Variants in CEP83 observed in about 807,000 individuals in gnomAD.
CEP83 encodes the protein centrosomal protein 83, also known as centrosomal protein of 83 kDa.
CEP83 carries 70 observed loss-of-function variants against 101.9 expected under a neutral mutation model. That is an observed-to-expected ratio of 0.69 (90% CI 0.57 to 0.84). The LOEUF (loss-of-function observed/expected upper bound fraction) is 0.84, where lower values mean the gene tolerates loss of function less well. Ranked by LOEUF, CEP83 falls within the 40% of genes least tolerant of loss-of-function variation. The pLI is 0.00. For missense variants in CEP83, 715 were observed against 787.2 expected (o/e 0.91, Z 1.10); for synonymous variants, 264 against 267.9 (o/e 0.99, Z 0.14).
At chr12:94,411,986 TAC>T in intron 3 of CEP83, 139 bp from the exon 4 acceptor site, 1 of 734,544 alleles carries the variant, frequency 1.4e-6, no homozygotes, top group Non-Finnish European at 2.2e-6. Context: ...ATCTTTTATT[TAC>T]AGAGTTTCAT....
chr12:94,277,816 C>A, the CEP83 span: 7 of 387,592 alleles, frequency 1.8e-5, no homozygotes, highest in Admixed American at 2.9e-5. Context: ...AGCCTGGCCC[C>A]GTGCTAAGCC....
At chr12:94,338,198 C>T (rs569922982) in intron 11 of CEP83, among the ~76,000 whole-genome samples, 1 of 152,170 alleles carries the variant, frequency 6.6e-6, no homozygotes, top group Non-Finnish European at 1.5e-5. Context: ...ATAGAATAAA[C>T]TGTAAGGCTA....
At chr12:94,279,776 G>T in the CEP83 span, 2 of 852,644 alleles carry the variant, frequency 2.3e-6, no homozygotes, top group Non-Finnish European at 3.9e-6. Flanking sequence ...CAGCCAGGTT[G>T]TTCCTGGAGG....
At chr12:94,431,259 G>A (rs1299987473) in intron 2 of CEP83, among the ~76,000 whole-genome samples, 1 of 152,018 alleles carries the variant, frequency 6.6e-6, no homozygotes, top group East Asian at 1.9e-4. Flanking sequence ...AAATTAAATT[G>A]GATCCCTACC....
rs1346433130 is a variant in CEP83, at chr12:94,369,937, G to C, written c.1033C>G (p.Gln345Glu). 2 of 1,577,336 alleles carry C rather than the reference G, an allele frequency of 1.3e-6. No homozygotes were observed. Among genetic ancestry groups the C allele is most frequent in the Admixed American group, 1.7e-5 (1 of 59,526 alleles). Residue 345 changes from glutamine (Q) to glutamate (E), a missense_variant, in exon 9 of 17, where the codon CAA becomes GAA. Physicochemically the swap from Gln to Glu is conservative, Grantham distance 29. Transcript: ENST00000397809. ...CACATATTACCATCCAGTTCACTTT[G>C]AATCTTATTCCTTTCTCTTTCTAGC... ...SELERERNKI[Q>E]SELDGLQSDN... is the part of the protein sequence containing the mutation.
chr12:94,359,330 A>G (rs972020303), intron 11 of CEP83, among the ~76,000 whole-genome samples: 4 of 152,208 alleles, frequency 2.6e-5, no homozygotes, highest in African/African-American at 9.7e-5. Context: ...AAAAAACTAT[A>G]AAATATCAAC....
At chr12:94,382,462 T>C (rs2061903531) in intron 6 of CEP83, among the ~76,000 whole-genome samples, 1 of 151,790 alleles carries the variant, frequency 6.6e-6, no homozygotes, top group Non-Finnish European at 1.5e-5. Context: ...TTCTAATGCA[T>C]GTATTTAGTG....
intron 11 of CEP83, among the ~76,000 whole-genome samples, chr12:94,342,526 A>T (rs2059727187): frequency 2.0e-5 from 3 of 152,174 alleles, no homozygotes; most frequent in Admixed American, 2.0e-4. Flanking sequence ...CCAGCAAGTG[A>T]TCTCTCCCAT....
At chr12:94,360,094 T>A (rs1048950847) in intron 11 of CEP83, among the ~76,000 whole-genome samples, 2 of 151,842 alleles carry the variant, frequency 1.3e-5, no homozygotes, top group Admixed American at 6.6e-5. Context: ...ACAAAAACTT[T>A]AAAAAAAATT....
chr12:94,359,370 A>G (rs2060635962), intron 11 of CEP83, among the ~76,000 whole-genome samples: 1 of 152,220 alleles, frequency 6.6e-6, no homozygotes, highest in South Asian at 2.1e-4. Flanking sequence ...TTGAAAAAAC[A>G]AAATTGACAA....
chr12:94,448,907 A>C (rs1305517105), intron 1 of CEP83, among the ~76,000 whole-genome samples: 1 of 151,980 alleles, frequency 6.6e-6, no homozygotes, highest in East Asian at 1.9e-4. Context: ...TATTAAACCC[A>C]AAACAAGCAG....
chr12:94,332,628 C>T (rs1368092906), intron 13 of CEP83, among the ~76,000 whole-genome samples: 2 of 151,994 alleles, frequency 1.3e-5, no homozygotes, highest in African/African-American at 4.8e-5. Context: ...TTGAGAAATC[C>T]AAGCACATGT....
At chr12:94,338,538 T>G (rs191177345) in intron 11 of CEP83, among the ~76,000 whole-genome samples, 1 of 152,158 alleles carries the variant, frequency 6.6e-6, no homozygotes, top group Admixed American at 6.5e-5. Context: ...TTATATGCCA[T>G]GAGAGGAAGA....
chr12:94,379,846 C>T (rs1490428033), intron 6 of CEP83, among the ~76,000 whole-genome samples: 1 of 152,100 alleles, frequency 6.6e-6, no homozygotes, highest in Non-Finnish European at 1.5e-5. Context: ...ATCTCCCCAA[C>T]TATCTATCCC....
chr12:94,449,431 G>A (rs2067061705), intron 1 of CEP83, among the ~76,000 whole-genome samples: 1 of 151,896 alleles, frequency 6.6e-6, no homozygotes. Flanking sequence ...ATAATAATCA[G>A]ACAAACCATA....
At chr12:94,276,133 A>C in the CEP83 span, among the ~76,000 whole-genome samples, 1 of 152,230 alleles carries the variant, frequency 6.6e-6, no homozygotes, top group African/African-American at 2.4e-5. Context: ...TAAAGACAAT[A>C]GTGCCTTTAG....
intron 1 of CEP83, among the ~76,000 whole-genome samples, chr12:94,447,886 TAAAGA>T (rs773170594): frequency 1.2e-4 from 18 of 151,584 alleles, no homozygotes; most frequent in East Asian, 5.8e-4. Flanking sequence ...AGAAAGATGG[TAAAGA>T]AAAGAGGAAA....
Position 94,357,220 on chromosome 12 carries a change from C to T in CEP83, c.1343+10574G>A, listed in dbSNP as rs193055956. ...CACATTTAGTTGATTATATCAAGGC[C>T]TGTGATGGTATCGGAGGTAATCTGC... On this transcript the variant is annotated intron_variant, in intron 11 of 16. Transcript: ENST00000397809. Among the ~76,000 whole-genome samples the T allele has an allele frequency of 3.9e-5, 6 of 151,940 alleles. No individual in the cohort carries two copies. In the East Asian group the frequency reaches 1.2e-3, roughly 29 times the overall value.
chr12:94,431,595 TAA>T (rs572489191), intron 2 of CEP83, among the ~76,000 whole-genome samples: 5 of 126,928 alleles, frequency 3.9e-5, no homozygotes, highest in Admixed American at 7.8e-5. Flanking sequence ...AACTTAACGG[TAA>T]AAAAAAAAAA....
Sources: gnomAD v4.1 joint callset for allele counts (sites outside exome capture counted in the v4.1 genomes callset) on GRCh38, gnomAD v4.1.1 for gene constraint, MANE v1.5 for transcripts, NCBI Gene and HGNC (gene_info 2026-07-23, HGNC 2026-07-21) for gene names.